HID1: variants seen among roughly 807,000 people sequenced by gnomAD.
The protein encoded by HID1 is HID1 domain containing.
In HID1, 42 loss-of-function variants were observed where a neutral mutation model predicts 89.7. That is an observed-to-expected ratio of 0.47 (90% CI 0.37 to 0.61). HID1 has a LOEUF of 0.61. HID1 is among the 20% of genes least tolerant of loss of function. The pLI is 0.00. For synonymous variants in HID1, 442 were observed against 433.8 expected (o/e 1.02, Z -0.24); for missense variants, 854 against 1,039.3 (o/e 0.82, Z 2.45).
In HID1 at chr17:74,959,263, C is replaced by T. The variant is rs2039443589; in HGVS notation, c.1009-212G>A. 3.9e-5 allele frequency among the ~76,000 whole-genome samples: 6 copies of T among 152,156 alleles called. No individual in the cohort carries two copies. The highest frequency in any genetic ancestry group is 3.9e-4 in the Admixed American group (6 of 15,282). ...ATAGCTGTGGACAGCCCTGGCCCCT[C>T]CACTAGACTGCAGACTCTCTGTCCT... On this transcript the variant is annotated intron_variant, in intron 8 of 18. Transcript: ENST00000425042. This position sits in a 1 kb window ranked among gnomAD's most constrained non-coding sequence, Gnocchi z 4.6.
chr17:74,951,759 G>C (rs2039303605), intron 18 of HID1, 126 bp from the exon 19 acceptor site: 1 of 1,342,694 alleles, frequency 7.4e-7, no homozygotes, highest in Non-Finnish European at 1.0e-6. Context: ...TGGGCAGCGG[G>C]TGCCACCGTC....
chr17:74,951,931 G>A lies in HID1; in HGVS notation c.2277C>T (p.Thr759=). The A allele has an allele frequency of 6.5e-7, 1 of 1,543,468 alleles. No individual in the cohort carries two copies. Among genetic ancestry groups the A allele is most frequent in the Non-Finnish European group, 8.7e-7 (1 of 1,143,558 alleles). The change falls in exon 18 of 19, where the codon ACC becomes ACT. Residue 759 remains threonine (T), a synonymous_variant. Transcript: ENST00000425042. ...ANSGTAMWFR[T]YMWGVIYLRN... ...TCAGATAGATGACGCCCCACATGTA[G>A]GTGCGGAACCACATGGCAGTGCCCG...
Position 74,951,921 on chromosome 17 carries a change from C to A in HID1, c.2287G>T (p.Gly763Cys). The A allele has an allele frequency of 6.5e-7, 1 of 1,535,460 alleles. No individual in the cohort carries two copies. ...TAMWFRTYMW[G>C]VIYLRNVDPP... Reference sequence around the variant, plus strand: ...GGGGCCCACCTCAGATAGATGACGCCCCACATGTAGGTGCGGAACCACATG... The same window carrying A: ...GGGGCCCACCTCAGATAGATGACGCACCACATGTAGGTGCGGAACCACATG... Residue 763 changes from glycine (G) to cysteine (C), a missense_variant, in exon 18 of 19, where the codon GGC (glycine) becomes TGC (cysteine). Coordinates refer to ENST00000425042, the MANE Select transcript of HID1 (RefSeq NM_030630.3).
At position 74,958,766 on chromosome 17, in the gene HID1, A is replaced by G. The variant is rs1475303158; in HGVS notation, c.1150-3T>C. 6 of 1,611,946 alleles carry G rather than the reference A, an allele frequency of 3.7e-6. No homozygotes were observed. Among genetic ancestry groups the G allele is most frequent in the Non-Finnish European group, 5.1e-6 (6 of 1,179,660 alleles). ...TTCAGCACGAAGAAGAGGAATTTCT[A>G]GGGGTGCGGGGAGGGGCCAAGTGGG... On this transcript the variant is annotated splice_region_variant and splice_polypyrimidine_tract_variant and intron_variant, in intron 9 of 18. Coordinates refer to ENST00000425042, the MANE Select transcript of HID1 (RefSeq NM_030630.3). This position sits in a 1 kb window ranked among gnomAD's most constrained non-coding sequence, Gnocchi z 5.2.
Position 74,952,256 on chromosome 17 carries a change from G to A in HID1, c.2144+13C>T. 6 of 1,610,094 alleles carry A rather than the reference G, an allele frequency of 3.7e-6. No homozygotes were observed. Among genetic ancestry groups the A allele is most frequent in the Non-Finnish European group, 5.1e-6 (6 of 1,177,736 alleles). On this transcript the variant is annotated intron_variant, in intron 17 of 18. Coordinates refer to ENST00000425042, the MANE Select transcript of HID1 (RefSeq NM_030630.3). ...CCGCCCACAACCCCCGGCCCTGCCG[G>A]CGCCCGACTCACTTGTCAATGCAGA...
At position 74,972,275 on chromosome 17, in the gene HID1, G is replaced by A. The variant is rs2039660440; in HGVS notation, c.66+316C>T. On this transcript the variant is annotated intron_variant, in intron 1 of 18. Coordinates refer to ENST00000425042, the MANE Select transcript of HID1 (RefSeq NM_030630.3). The surrounding 1 kb of genome is among the most constrained non-coding windows in gnomAD (Gnocchi z 6.4). ...GGGAGGCTGGAGATGCGAAGCTGGG[G>A]ACGCCGCGGGGCGGGACAGGGGGCG... Among the ~76,000 whole-genome samples, 1 of 141,606 alleles carries A rather than the reference G, an allele frequency of 7.1e-6. No homozygotes were observed. Among genetic ancestry groups the A allele is most frequent in the Non-Finnish European group, 1.5e-5 (1 of 64,642 alleles). The allele number at this position is 141,606 out of a possible 152,430, so 92.9% of individuals were successfully genotyped here.
Position 74,959,860 on chromosome 17 carries a change from C to T in HID1, c.1008+21G>A. Reference sequence around the variant, plus strand: ...TGCATCCCCCTGCACCCTGCAAAGCCACTGTGGGGACTGGACTTGCCTCCT... The same window carrying T: ...TGCATCCCCCTGCACCCTGCAAAGCTACTGTGGGGACTGGACTTGCCTCCT... On this transcript the variant is annotated intron_variant, in intron 8 of 18. Coordinates refer to ENST00000425042, the MANE Select transcript of HID1 (RefSeq NM_030630.3). The surrounding 1 kb of genome is among the most constrained non-coding windows in gnomAD (Gnocchi z 4.6). 1 of 1,613,318 alleles carries T rather than the reference C, an allele frequency of 6.2e-7. No individual in the cohort carries two copies. The highest frequency in any genetic ancestry group is 8.5e-7 in the Non-Finnish European group (1 of 1,179,728).
Position 74,955,810 on chromosome 17 carries a change from T to A in HID1, c.1618A>T (p.Ile540Phe), listed in dbSNP as rs1287485478. 6.2e-7 allele frequency: 1 copy of A among 1,614,102 alleles called. No individual in the cohort carries two copies. The highest frequency in any genetic ancestry group is 1.1e-5 in the South Asian group (1 of 91,082). Reference sequence around the variant, plus strand: ...GCCTCACCATCAAACTGGTACTGGATGATGTTGTTGAAGACCTCCAGGAGG... The same window carrying A: ...GCCTCACCATCAAACTGGTACTGGAAGATGTTGTTGAAGACCTCCAGGAGG... ...FFLLEVFNNIIQYQFDGNSNL... is the reference protein window; with the variant it reads ...FFLLEVFNNIFQYQFDGNSNL... The change falls in exon 13 of 19, where the codon ATC becomes TTC. Residue 540 changes from isoleucine to phenylalanine, a missense_variant. Coordinates refer to ENST00000425042, the MANE Select transcript of HID1 (RefSeq NM_030630.3).
At chr17:74,957,211 C>CT (rs2144806322) in intron 12 of HID1, among the ~76,000 whole-genome samples, 1 of 152,094 alleles carries the variant, frequency 6.6e-6, no homozygotes, top group Non-Finnish European at 1.5e-5. Context: ...TGGTGGTTCA[C>CT]ACCTGTAACC....
intron 14 of HID1, 22 bp downstream of exon 14, chr17:74,954,111 CTCCTG>C (rs1382270539): frequency 3.8e-6 from 6 of 1,561,056 alleles, no homozygotes; most frequent in Non-Finnish European, 5.2e-6. Context: ...AGTATCCACA[CTCCTG>C]TCCCATCCAC....
intron 1 of HID1, among the ~76,000 whole-genome samples, chr17:74,969,922 CTTT>C (rs61436029): frequency 8.9e-6 from 1 of 112,148 alleles, no homozygotes. Flanking sequence ...TTTCTTTTTT[CTTT>C]TTTTTTTTTT....
intron 13 of HID1, chr17:74,954,600 C>G (rs1422330856): frequency 5.9e-6 from 4 of 678,042 alleles, no homozygotes; most frequent in Non-Finnish European, 9.7e-6. Context: ...CACCCCCGCC[C>G]CAGTGCCTTT....
In HID1 at chr17:74,972,201, A is replaced by G. The variant is rs949549684; in HGVS notation, c.66+390T>C. On this transcript the variant is annotated intron_variant, in intron 1 of 18. Transcript: ENST00000425042. This position sits in a 1 kb window ranked among gnomAD's most constrained non-coding sequence, Gnocchi z 6.4. ...ACTGTGCGTCCGGGACCCGCGGGCA[A>G]TGAGGGGCAGGGAGGGGAGCGGACG... Among the ~76,000 whole-genome samples the G allele has an allele frequency of 1.4e-5, 2 of 138,544 alleles. No individual in the cohort carries two copies. The highest frequency in any genetic ancestry group is 5.2e-5 in the African/African-American group (2 of 38,344). The allele number at this position is 138,544 out of a possible 152,430, so 90.9% of individuals were successfully genotyped here.
intron 15 of HID1, 111 bp from the exon 16 acceptor site, chr17:74,953,197 C>A: frequency 2.1e-6 from 2 of 956,350 alleles, no homozygotes; most frequent in South Asian, 3.3e-5. Context: ...AAGGGGAAGG[C>A]CCAGCCCAGC....
intron 13 of HID1, 151 bp from the exon 14 acceptor site, chr17:74,954,516 C>A: frequency 7.2e-7 from 1 of 1,393,504 alleles, no homozygotes; most frequent in Non-Finnish European, 9.7e-7. Flanking sequence ...AGAGAGGGTG[C>A]TGGGGCAGGG....
chr17:74,968,046 A>C (rs921824043), intron 1 of HID1: 1 of 152,412 alleles, frequency 6.6e-6, no homozygotes, highest in East Asian at 1.9e-4. Context: ...TCAAGGCTGC[A>C]GTGAGCTGTG....
chr17:74,956,007 T>G, intron 12 of HID1, 51 bp from the exon 13 acceptor site: 1 of 1,568,716 alleles, frequency 6.4e-7, no homozygotes, highest in Non-Finnish European at 8.7e-7. Flanking sequence ...AAGCCATCCC[T>G]GCACATCCTG....
chr17:74,968,237 T>G (rs1446747269), intron 1 of HID1, among the ~76,000 whole-genome samples: 1 of 112,074 alleles, frequency 8.9e-6, no homozygotes, highest in Non-Finnish European at 1.7e-5. Context: ...TGTTCCTGCC[T>G]CCACAGTCTG....
At chr17:74,964,423 C>T in intron 2 of HID1, 60 bp downstream of exon 2, 1 of 1,551,240 alleles carries the variant, frequency 6.4e-7, no homozygotes, top group South Asian at 1.2e-5. Flanking sequence ...ATGCGCCTGC[C>T]TTCTCCTGCT....
Sources: allele counts gnomAD v4.1 joint callset (sites outside exome capture counted in the v4.1 genomes callset), GRCh38; gene constraint gnomAD v4.1.1; non-coding constraint Gnocchi (gnomAD v3.1); transcripts MANE v1.5; gene names NCBI Gene and HGNC (gene_info 2026-07-23, HGNC 2026-07-21).